Variants in PELI1 observed in about 807,000 individuals in gnomAD.
The protein encoded by PELI1 is pellino E3 ubiquitin protein ligase 1, also known as E3 ubiquitin-protein ligase pellino homolog 1.
A neutral mutation model predicts 41.3 loss-of-function variants in PELI1; 15 were observed. The ratio of observed to expected loss-of-function variants is 0.36; its 90% CI spans 0.24 to 0.56. PELI1 has a LOEUF of 0.56. PELI1 is among the 20% of genes least tolerant of loss of function. PELI1 has a pLI of 0.82. For synonymous variants in PELI1, 178 were observed against 180.1 expected (o/e 0.99, Z 0.09); for missense variants, 403 against 525.5 (o/e 0.77, Z 2.28).
chr2:64,100,329 A>C, intron 4 of PELI1, 69 bp downstream of exon 4: 1 of 802,642 alleles, frequency 1.2e-6, no homozygotes, highest in Non-Finnish European at 2.2e-6. Context: ...TGACCTCAGC[A>C]AAAGTCACCA....
At chr2:64,135,138 G>T (rs1681674542) in intron 1 of PELI1, among the ~76,000 whole-genome samples, 1 of 152,084 alleles carries the variant, frequency 6.6e-6, no homozygotes, top group Admixed American at 6.6e-5. Context: ...TTTTAGAAAA[G>T]ACAACAAACA....
intron 1 of PELI1, among the ~76,000 whole-genome samples, chr2:64,120,366 G>A (rs541365677): frequency 3.9e-4 from 59 of 152,178 alleles, no homozygotes; most frequent in Non-Finnish European, 7.6e-4. Flanking sequence ...AGCCAAAGGC[G>A]AACCTGATTA....
At chr2:64,111,388 C>G (rs1680803240) in intron 1 of PELI1, among the ~76,000 whole-genome samples, 1 of 152,108 alleles carries the variant, frequency 6.6e-6, no homozygotes, top group Admixed American at 6.5e-5. Context: ...ACATTTAGAC[C>G]AGTCATTCAC....
intron 1 of PELI1, among the ~76,000 whole-genome samples, chr2:64,113,809 C>T (rs1162431643): frequency 6.6e-6 from 1 of 152,032 alleles, no homozygotes; most frequent in East Asian, 1.9e-4. Context: ...ATCAAGTCTT[C>T]CCAAAGGAAA....
At chr2:64,110,422 C>T (rs1680774783) in intron 1 of PELI1, among the ~76,000 whole-genome samples, 1 of 152,064 alleles carries the variant, frequency 6.6e-6, no homozygotes, top group Non-Finnish European at 1.5e-5. Context: ...GAAGTCAAGA[C>T]ATTCTCAGAC....
intron 1 of PELI1, chr2:64,143,501 G>A (rs2103756539): frequency 6.6e-6 from 1 of 152,196 alleles, no homozygotes. Flanking sequence ...TACCCACTTA[G>A]GGAAACGGGC....
In PELI1 at chr2:64,098,535, A is replaced by G. The variant is rs539611898; in HGVS notation, c.303+1863T>C. Among the ~76,000 whole-genome samples, 14 of 152,112 alleles carry G rather than the reference A, an allele frequency of 9.2e-5. 1 individual carries two copies. The South Asian group carries it at 2.9e-3, about 32-fold the overall frequency. On this transcript the variant is annotated intron_variant, in intron 4 of 6. Coordinates refer to ENST00000358912, the MANE Select transcript of PELI1 (RefSeq NM_020651.4). ...GGCAAAAATCCTACTTAACCTGATA[A>G]AAAGATCTACATGAAAAGGCACCAG...
intron 1 of PELI1, among the ~76,000 whole-genome samples, chr2:64,127,269 T>A (rs1402657816): frequency 6.6e-6 from 1 of 152,218 alleles, no homozygotes; most frequent in Non-Finnish European, 1.5e-5. Context: ...CCGAGCAAGG[T>A]GGCTCACACC....
chr2:64,123,028 G>C (rs1411176422), intron 1 of PELI1, among the ~76,000 whole-genome samples: 3 of 152,158 alleles, frequency 2.0e-5, no homozygotes, highest in Admixed American at 6.5e-5. Context: ...TCCTATGTTG[G>C]CGTCTGTTTC....
Position 64,140,802 on chromosome 2 carries a change from AACAAAC to A in PELI1, c.-70+3273_-70+3278del, listed in dbSNP as rs1681881789. On this transcript the variant is annotated intron_variant, in intron 1 of 6. Coordinates refer to ENST00000358912, the MANE Select transcript of PELI1 (RefSeq NM_020651.4). ...AGACAACATGCAAAAAAAAAAAACA[AACAAAC>A]AAAAAAAAACCTAGGGGCAGAACTT... 5.5e-5 allele frequency among the ~76,000 whole-genome samples: 7 copies of A among 127,500 alleles called. 3 individuals are homozygous for A. Among genetic ancestry groups the A allele is most frequent in the African/African-American group, 1.7e-4 (5 of 29,228 alleles). The allele number at this position is 127,500 out of a possible 152,430, so 83.6% of individuals were successfully genotyped here. A position where few individuals can be genotyped will look rare whatever the true frequency, so the allele number is the denominator to read the frequency against.
chr2:64,131,554 G>A (rs1443697174), intron 1 of PELI1, among the ~76,000 whole-genome samples: 1 of 151,838 alleles, frequency 6.6e-6, no homozygotes, highest in African/African-American at 2.4e-5. Flanking sequence ...AACTGTACTC[G>A]AGAAACAAAG....
intron 1 of PELI1, among the ~76,000 whole-genome samples, chr2:64,112,908 C>T (rs535811681): frequency 6.2e-4 from 94 of 151,978 alleles, no homozygotes; most frequent in Non-Finnish European, 6.9e-4. Flanking sequence ...AGACCAGTAC[C>T]TAGACAATGC....
intron 1 of PELI1, among the ~76,000 whole-genome samples, chr2:64,123,024 G>A (rs1330514506): frequency 6.6e-6 from 1 of 152,192 alleles, no homozygotes; most frequent in Non-Finnish European, 1.5e-5. Flanking sequence ...GGACTCCTAT[G>A]TTGGCGTCTG....
rs184727775 is a variant in PELI1, at chr2:64,093,258, G to C, written c.*1444C>G. On this transcript the variant is annotated 3_prime_UTR_variant, in exon 7 of 7. Transcript: ENST00000358912. Reference sequence around the variant, plus strand: ...CAGTTTTGTAATAGGATAAATTAAAGGTATGCTACCACATATAAAACTTTG... The same window carrying C: ...CAGTTTTGTAATAGGATAAATTAAACGTATGCTACCACATATAAAACTTTG... The C allele has an allele frequency of 6.6e-6, 1 of 152,586 alleles. No homozygotes were observed. The highest frequency in any genetic ancestry group is 6.5e-5 in the Admixed American group (1 of 15,296). The allele number at this position is 152,586 out of a possible 1,614,324, so 9.5% of individuals were successfully genotyped here.
Position 64,095,201 on chromosome 2 carries a change from C to T in PELI1, c.758G>A (p.Trp253Ter). The T allele has an allele frequency of 6.2e-7, 1 of 1,614,044 alleles. No individual in the cohort carries two copies. The highest frequency in any genetic ancestry group is 8.5e-7 in the Non-Finnish European group (1 of 1,179,974). The change falls in exon 7 of 7, where the codon TGG (tryptophan) becomes TAG (stop). Residue 253 changes from tryptophan to a stop codon, truncating the protein, a stop_gained. Coordinates refer to ENST00000358912, the MANE Select transcript of PELI1 (RefSeq NM_020651.4). LOFTEE classifies it high-confidence loss of function. ...LIDLCGATLLWRTAEGLSHTP... is the reference protein window; with the variant it reads ...LIDLCGATLL Reference sequence around the variant, plus strand: ...GTGGGAAAGGCCTTCTGCAGTACGCCATAACAATGTTGCACCACAGAGGTC... The same window carrying T: ...GTGGGAAAGGCCTTCTGCAGTACGCTATAACAATGTTGCACCACAGAGGTC...
chr2:64,108,495 T>C (rs111734551), intron 1 of PELI1, 116 bp from the exon 2 acceptor site: 12 of 501,858 alleles, frequency 2.4e-5, no homozygotes, highest in African/African-American at 1.4e-4. Context: ...ACAAGGTATA[T>C]ACATTTTATG....
At chr2:64,096,098 A>T (rs1680224789) in intron 6 of PELI1, 27 bp downstream of exon 6, 1 of 1,526,810 alleles carries the variant, frequency 6.5e-7, no homozygotes, top group Admixed American at 1.7e-5. Flanking sequence ...ATTGTAGCTA[A>T]TTAAGAAAAT....
chr2:64,137,639 G>A (rs1437707809), intron 1 of PELI1, among the ~76,000 whole-genome samples: 1 of 152,028 alleles, frequency 6.6e-6, no homozygotes, highest in Non-Finnish European at 1.5e-5. Flanking sequence ...GTCTATGGGT[G>A]GATCTGACTT....
chr2:64,136,188 C>T (rs994129289), intron 1 of PELI1, among the ~76,000 whole-genome samples: 2 of 152,048 alleles, frequency 1.3e-5, no homozygotes, highest in Admixed American at 1.3e-4. Context: ...TGAAAAACCA[C>T]TGCCACTTTT....
Sources: gnomAD v4.1 joint callset for allele counts (sites outside exome capture counted in the v4.1 genomes callset) on GRCh38, gnomAD v4.1.1 for gene constraint, MANE v1.5 for transcripts, NCBI Gene and HGNC (gene_info 2026-07-23, HGNC 2026-07-21) for gene names.